The following GDA variants were observed in gnomAD, a reference collection of about 807,000 sequenced individuals.
GDA encodes the protein cytoplasmic PSD-95 interactor.
Under a neutral mutation model 59.6 loss-of-function variants are expected in GDA, and 18 were observed. The ratio of observed to expected loss-of-function variants is 0.30; its 90% CI spans 0.21 to 0.45. GDA has a LOEUF of 0.45. Among genes scored for constraint, GDA ranks in the 20% least tolerant of loss-of-function variants. The probability of loss-of-function intolerance (pLI) is 1.00; values close to 1 mark genes in which losing one functional copy is unlikely to be tolerated. For missense variants in GDA, 427 were observed against 552.3 expected (o/e 0.77, Z 2.27); for synonymous variants, 201 against 201.1 (o/e 1.00, Z 0.00).
intron 1 of GDA, among the ~76,000 whole-genome samples, chr9:72,125,320 C>T (rs10869126): frequency 0.32 from 23,213 of 72,548 alleles, 2,436 homozygotes; most frequent in East Asian, 0.6. Context: ...CCTTCCTTTA[C>T]TCCCTCCCTC....
chr9:72,234,111 A>G (rs193228147), intron 10 of GDA, among the ~76,000 whole-genome samples: 12 of 152,152 alleles, frequency 7.9e-5, no homozygotes, highest in Non-Finnish European at 1.6e-4. Flanking sequence ...CACACTACAG[A>G]TATATGCAAA....
chr9:72,163,638 G>A (rs1475194946), intron 1 of GDA, among the ~76,000 whole-genome samples: 3 of 152,010 alleles, frequency 2.0e-5, no homozygotes, highest in Non-Finnish European at 4.4e-5. Context: ...GACTACAGGT[G>A]CCCGCCACCA....
intron 2 of GDA, among the ~76,000 whole-genome samples, chr9:72,200,735 A>G (rs1297403974): frequency 6.6e-6 from 1 of 152,234 alleles, no homozygotes; most frequent in Non-Finnish European, 1.5e-5. Context: ...AGAGAAATCC[A>G]TATTCCACCC....
chr9:72,243,683 G>A (rs988284655), intron 11 of GDA, among the ~76,000 whole-genome samples: 1 of 152,088 alleles, frequency 6.6e-6, no homozygotes, highest in Admixed American at 6.6e-5. Flanking sequence ...TCTTTTCTGA[G>A]AATAAAAGAG....
chr9:72,129,683 T>C (rs1825960750), intron 1 of GDA, among the ~76,000 whole-genome samples: 1 of 152,152 alleles, frequency 6.6e-6, no homozygotes, highest in African/African-American at 2.4e-5. Flanking sequence ...CCGATGATGT[T>C]CACTTTGCTC....
At chr9:72,258,058 C>A (rs958379951), downstream of GDA, among the ~76,000 whole-genome samples, 2 of 151,914 alleles carry the variant, frequency 1.3e-5, no homozygotes, top group Admixed American at 1.3e-4. Context: ...TGCCTATAAT[C>A]CTGGCAGCTT....
At position 72,243,190 on chromosome 9, in the gene GDA, G is replaced by C. The variant is rs1839813204; in HGVS notation, c.1135+1892G>C. ...CACAGAACCAACATTTACTCCAAAG[G>C]CATCAAAACTCTATTTCCTGAAATG... is the stretch of plus-strand genomic sequence containing the variant. On this transcript the variant is annotated intron_variant, in intron 11 of 13. Coordinates refer to ENST00000358399, the MANE Select transcript of GDA (RefSeq NM_004293.5). Among the ~76,000 whole-genome samples, 3 of 152,108 alleles carry C rather than the reference G, an allele frequency of 2.0e-5. No individual in the cohort carries two copies. The South Asian group carries it at 6.2e-4, about 32-fold the overall frequency.
At chr9:72,169,463 G>C (rs1829706740) in intron 1 of GDA, among the ~76,000 whole-genome samples, 1 of 152,164 alleles carries the variant, frequency 6.6e-6, no homozygotes, top group Non-Finnish European at 1.5e-5. Context: ...TTTCTTACTG[G>C]ACTTGGATTT....
intron 1 of GDA, among the ~76,000 whole-genome samples, chr9:72,132,655 C>G (rs746558539): frequency 6.6e-6 from 1 of 152,090 alleles, no homozygotes; most frequent in African/African-American, 2.4e-5. Context: ...CAAAAATGCC[C>G]CATAAAGCAC....
intron 1 of GDA, among the ~76,000 whole-genome samples, chr9:72,178,610 G>T (rs1830811059): frequency 2.6e-5 from 4 of 152,134 alleles, no homozygotes; most frequent in Middle Eastern, 3.4e-3. Flanking sequence ...TAGAGGCAGG[G>T]TTTCACCATG....
intron 1 of GDA, among the ~76,000 whole-genome samples, chr9:72,188,362 GC>G (rs1832103912): frequency 6.6e-6 from 1 of 152,200 alleles, no homozygotes; most frequent in African/African-American, 2.4e-5. Context: ...CAGGCTCCCT[GC>G]CCAGACCGAC....
chr9:72,193,635 A>G (rs1293591728), intron 1 of GDA, among the ~76,000 whole-genome samples: 1 of 151,758 alleles, frequency 6.6e-6, no homozygotes, highest in Non-Finnish European at 1.5e-5. Context: ...TTCTGTAATC[A>G]CTCCCTGGCT....
rs1296971889 is a variant in GDA, at chr9:72,163,040, A to G, written c.123+13358A>G. On this transcript the variant is annotated intron_variant, in intron 1 of 13. Transcript: ENST00000358399. ...ATGGAGCAGAGCAAGACTTGCTGGAAGAGATGAGTTAGAAAATGACTGCAG... is the reference window on the plus strand; with the variant it reads ...ATGGAGCAGAGCAAGACTTGCTGGAGGAGATGAGTTAGAAAATGACTGCAG... Among the ~76,000 whole-genome samples the G allele has an allele frequency of 2.0e-5, 3 of 152,336 alleles. No individual in the cohort carries two copies. The East Asian group carries it at 5.8e-4, about 29-fold the overall frequency.
chr9:72,136,270 A>C (rs1331044221), intron 1 of GDA, among the ~76,000 whole-genome samples: 1 of 152,208 alleles, frequency 6.6e-6, no homozygotes. Flanking sequence ...ATAAATTAAC[A>C]AGGCTACAGA....
chr9:72,139,682 C>A (rs1826373781), intron 1 of GDA, among the ~76,000 whole-genome samples: 1 of 152,060 alleles, frequency 6.6e-6, no homozygotes, highest in South Asian at 2.1e-4. Context: ...CTCCATTATT[C>A]ATTTCATCTT....
At chr9:72,125,769 AC>A (rs1312276781) in intron 1 of GDA, among the ~76,000 whole-genome samples, 1 of 152,042 alleles carries the variant, frequency 6.6e-6, no homozygotes, top group East Asian at 1.9e-4. Flanking sequence ...TGTTTTCTAG[AC>A]CCTGGAAAGT....
chr9:72,190,413 C>T (rs139635256), intron 1 of GDA, among the ~76,000 whole-genome samples: 4,027 of 152,280 alleles, frequency 0.026, 182 homozygotes, highest in African/African-American at 0.092. Flanking sequence ...AGGCATGAGC[C>T]ACTTCACCCC....
intron 1 of GDA, among the ~76,000 whole-genome samples, chr9:72,165,776 T>C (rs1829224628): frequency 7.0e-6 from 1 of 143,352 alleles, no homozygotes; most frequent in Non-Finnish European, 1.6e-5. Flanking sequence ...CAGGTGCCTG[T>C]AATCCCAGCT....
intron 5 of GDA, chr9:72,214,922 C>T (rs1350876450): frequency 5.3e-6 from 1 of 189,614 alleles, no homozygotes; most frequent in Non-Finnish European, 1.1e-5. Context: ...TTAGTAGAGA[C>T]GTGGTTTCAC....
Sources: gnomAD v4.1 joint callset for allele counts (sites outside exome capture counted in the v4.1 genomes callset) on GRCh38, gnomAD v4.1.1 for gene constraint, MANE v1.5 for transcripts, NCBI Gene and HGNC (gene_info 2026-07-23, HGNC 2026-07-21) for gene names.